The following NKAIN3 variants were observed in gnomAD, a reference collection of about 807,000 sequenced individuals.
NKAIN3 encodes the protein sodium/potassium transporting ATPase interacting 3, also known as sodium/potassium-transporting ATPase subunit beta-1-interacting protein 3.
Under a neutral mutation model 30.2 loss-of-function variants are expected in NKAIN3, and 25 were observed. The ratio of observed to expected loss-of-function variants is 0.83; its 90% confidence interval spans 0.60 to 1.16. NKAIN3 has a LOEUF of 1.16. Among genes scored for constraint, NKAIN3 ranks in the 50% most tolerant of loss-of-function variants. The pLI, the probability that NKAIN3 is intolerant of heterozygous loss-of-function variation, is 0.00. For synonymous variants in NKAIN3, 91 were observed against 89.6 expected (o/e 1.02, Z -0.09); for missense variants, 225 against 254.1 (o/e 0.89, Z 0.78).
intron 3 of NKAIN3, among the ~76,000 whole-genome samples, chr8:62,639,065 A>G (rs1812225437): frequency 6.6e-6 from 1 of 152,130 alleles, no homozygotes; most frequent in Non-Finnish European, 1.5e-5. Context: ...AGAACTCAAA[A>G]CCTCACACTA....
At chr8:62,719,752 TC>T (rs1451560112) in intron 3 of NKAIN3, among the ~76,000 whole-genome samples, 1 of 124,596 alleles carries the variant, frequency 8.0e-6, no homozygotes, top group Admixed American at 1.0e-4. Context: ...TACATTTCTT[TC>T]TTTTTTTTTT....
intron 1 of NKAIN3, among the ~76,000 whole-genome samples, chr8:62,561,420 G>T (rs1169303995): frequency 2.0e-5 from 3 of 152,136 alleles, no homozygotes; most frequent in Non-Finnish European, 4.4e-5. Context: ...CTATAAACTT[G>T]CTACTGCAGA....
At chr8:62,941,487 A>C (rs926834563) in intron 5 of NKAIN3, among the ~76,000 whole-genome samples, 2 of 152,132 alleles carry the variant, frequency 1.3e-5, no homozygotes, top group Non-Finnish European at 2.9e-5. Flanking sequence ...ACCCCTGATG[A>C]ACATAGATGC....
intron 3 of NKAIN3, among the ~76,000 whole-genome samples, chr8:62,675,628 A>G (rs1813449965): frequency 6.6e-6 from 1 of 152,168 alleles, no homozygotes. Flanking sequence ...CTGGGAAGGA[A>G]GAACACCTGA....
chr8:62,271,801 T>G lies in NKAIN3; in HGVS notation c.54+22674T>G, dbSNP rs145008669. 5.6e-3 allele frequency among the ~76,000 whole-genome samples: 858 copies of G among 152,316 alleles called. 9 individuals carry two copies. The highest frequency in any genetic ancestry group is 0.02 in the African/African-American group (820 of 41,570). ...TGATTCTTCAAAGAACATTCTAGAA[T>G]GCTGAAATATTTTGGTTCCTCAGCT... On this transcript the variant is annotated intron_variant, in intron 1 of 6. Coordinates refer to ENST00000623646, the MANE Select transcript of NKAIN3 (RefSeq NM_001304533.3).
At chr8:62,729,329 C>T (rs1030155870) in intron 3 of NKAIN3, among the ~76,000 whole-genome samples, 9 of 152,144 alleles carry the variant, frequency 5.9e-5, no homozygotes, top group African/African-American at 2.2e-4. Context: ...GATGCCACTA[C>T]ATACCTATTA....
chr8:62,983,256 C>T lies in NKAIN3; in HGVS notation c.*17849C>T, dbSNP rs1264907612. On this transcript the variant is annotated 3_prime_UTR_variant, in exon 7 of 7. Transcript: ENST00000623646. Reference sequence around the variant, plus strand: ...AAATATAAAGCAAAAAAAACAGATTCTACCCACCGGGAGCTCCTAGTCCAG... The same window carrying T: ...AAATATAAAGCAAAAAAAACAGATTTTACCCACCGGGAGCTCCTAGTCCAG... 6.6e-6 allele frequency: 1 copy of T among 152,148 alleles called. No homozygotes were observed. Among genetic ancestry groups the T allele is most frequent in the Non-Finnish European group, 1.5e-5 (1 of 68,068 alleles). 9.4% of individuals were successfully genotyped at this position (152,148 alleles called of 1,614,324 possible). A position where few individuals can be genotyped will look rare whatever the true frequency, so the allele number is the denominator to read the frequency against.
chr8:62,465,060 T>C (rs1182674005), intron 1 of NKAIN3, among the ~76,000 whole-genome samples: 1 of 152,156 alleles, frequency 6.6e-6, no homozygotes, highest in Non-Finnish European at 1.5e-5. Flanking sequence ...TTTCCAACTC[T>C]CAAATGGAAA....
chr8:62,470,989 A>G (rs1806323552), intron 1 of NKAIN3, among the ~76,000 whole-genome samples: 1 of 152,148 alleles, frequency 6.6e-6, no homozygotes, highest in Non-Finnish European at 1.5e-5. Context: ...TCCTTTTTTA[A>G]AAAAACTAAA....
At chr8:62,290,502 A>G (rs1813557682) in intron 1 of NKAIN3, among the ~76,000 whole-genome samples, 1 of 151,638 alleles carries the variant, frequency 6.6e-6, no homozygotes, top group Non-Finnish European at 1.5e-5. Context: ...TGAGATAATC[A>G]TGTTTTTGTC....
At chr8:62,844,698 A>T (rs1242311791) in intron 4 of NKAIN3, among the ~76,000 whole-genome samples, 1 of 152,160 alleles carries the variant, frequency 6.6e-6, no homozygotes, top group Non-Finnish European at 1.5e-5. Context: ...TTAGAATTTA[A>T]TGTGATCTGC....
intron 3 of NKAIN3, among the ~76,000 whole-genome samples, chr8:62,687,179 G>T (rs1377751240): frequency 6.6e-6 from 1 of 152,166 alleles, no homozygotes; most frequent in Non-Finnish European, 1.5e-5. Flanking sequence ...AATTGTTCAG[G>T]ACACAAATTA....
chr8:62,300,473 A>G (rs1408203915), intron 1 of NKAIN3, among the ~76,000 whole-genome samples: 1 of 152,160 alleles, frequency 6.6e-6, no homozygotes, highest in Non-Finnish European at 1.5e-5. Context: ...ATTTCTAAAT[A>G]TAAAAAGTAA....
chr8:62,805,475 T>C (rs901158357), intron 4 of NKAIN3, among the ~76,000 whole-genome samples: 8 of 152,066 alleles, frequency 5.3e-5, no homozygotes, highest in Non-Finnish European at 7.4e-5. Flanking sequence ...TGGAACAGAA[T>C]AGAGCCCTTG....
chr8:62,673,488 A>G (rs909028930), intron 3 of NKAIN3, among the ~76,000 whole-genome samples: 3 of 152,194 alleles, frequency 2.0e-5, no homozygotes, highest in African/African-American at 7.2e-5. Context: ...AGCTAAAGTA[A>G]ATAGCAGAAT....
At chr8:62,664,756 AGTGTTT>A (rs773163974) in intron 3 of NKAIN3, among the ~76,000 whole-genome samples, 8 of 152,162 alleles carry the variant, frequency 5.3e-5, no homozygotes, top group Non-Finnish European at 1.0e-4. Context: ...ATGCATCTAC[AGTGTTT>A]AGATAACATA....
chr8:62,661,130 G>C (rs1812930931), intron 3 of NKAIN3, among the ~76,000 whole-genome samples: 1 of 152,200 alleles, frequency 6.6e-6, no homozygotes, highest in African/African-American at 2.4e-5. Context: ...TTTGAAAGCA[G>C]ATTTGAAGCA....
At chr8:62,392,686 G>A (rs1400374830) in intron 1 of NKAIN3, among the ~76,000 whole-genome samples, 3 of 152,090 alleles carry the variant, frequency 2.0e-5, no homozygotes, top group African/African-American at 7.2e-5. Context: ...AACCTGTGTT[G>A]ATTAGCTGTC....
At chr8:62,453,217 T>C (rs1161891580) in intron 1 of NKAIN3, among the ~76,000 whole-genome samples, 1 of 152,088 alleles carries the variant, frequency 6.6e-6, no homozygotes, top group Non-Finnish European at 1.5e-5. Context: ...TGAGGTACCA[T>C]ATGCTAAAAT....
Sources: allele counts gnomAD v4.1 joint callset (sites outside exome capture counted in the v4.1 genomes callset), GRCh38; gene constraint gnomAD v4.1.1; transcripts MANE v1.5; gene names NCBI Gene and HGNC (gene_info 2026-07-23, HGNC 2026-07-21).